MARK2: variants seen among roughly 807,000 people sequenced by gnomAD.
The protein encoded by MARK2 is microtubule affinity regulating kinase 2, also known as serine/threonine-protein kinase MARK2.
A neutral mutation model predicts 89.8 loss-of-function variants in MARK2; 16 were observed. That is an observed-to-expected ratio of 0.18 (90% CI 0.12 to 0.27). MARK2 has a LOEUF of 0.27. Ranked by LOEUF, MARK2 falls within the 10% of genes least tolerant of loss-of-function variation. The pLI, the probability that MARK2 is intolerant of heterozygous loss-of-function variation, is 1.00. For synonymous variants in MARK2, 382 were observed against 399.5 expected (o/e 0.96, Z 0.52); for missense variants, 621 against 1,049.9 (o/e 0.59, Z 5.65).
At chr11:63,871,349 G>A (rs1053584138) in intron 1 of MARK2, among the ~76,000 whole-genome samples, 7 of 151,882 alleles carry the variant, frequency 4.6e-5, no homozygotes, top group Non-Finnish European at 7.4e-5. Flanking sequence ...AGTATTCACC[G>A]TGTGCAGGTG....
chr11:63,872,629 G>A (rs1387638364), intron 1 of MARK2, among the ~76,000 whole-genome samples: 1 of 152,074 alleles, frequency 6.6e-6, no homozygotes, highest in African/African-American at 2.4e-5. Context: ...TTCTAGTTCT[G>A]ATAGGAGTAC....
In MARK2 at chr11:63,872,331, G is replaced by A. The variant is rs555460984; in HGVS notation, c.55-22828G>A. ...TGAGAGTCCCTCTTCCCTCACAAGT[G>A]CTTGGAGTGCAGACCTTAACTTACA... On this transcript the variant is annotated intron_variant, in intron 1 of 18. Transcript: ENST00000402010. Among the ~76,000 whole-genome samples the A allele has an allele frequency of 7.2e-5, 11 of 152,300 alleles. No individual in the cohort carries two copies. In the South Asian group the frequency reaches 2.1e-3, roughly 29 times the overall value.
intron 1 of MARK2, among the ~76,000 whole-genome samples, chr11:63,879,205 G>A (rs965700064): frequency 6.6e-6 from 1 of 152,096 alleles, no homozygotes; most frequent in African/African-American, 2.4e-5. Context: ...TACTCTGGAG[G>A]CTGAGGCAGG....
In MARK2 at chr11:63,905,061, G is replaced by A. The variant is rs1478964282; in HGVS notation, c.1934+18G>A. 11 of 1,609,548 alleles carry A rather than the reference G, an allele frequency of 6.8e-6. No individual in the cohort carries two copies. Among genetic ancestry groups the A allele is most frequent in the East Asian group, 6.7e-5 (3 of 44,762 alleles). On this transcript the variant is annotated intron_variant, in intron 16 of 18. Coordinates refer to ENST00000402010, the MANE Select transcript of MARK2 (RefSeq NM_001039469.3). Reference sequence around the variant, plus strand: ...GTACGCAGGTAAGCAAGGAGCTTTGGGTGGCAGAGAGGCTCAGGCCAGGCC... The same window carrying A: ...GTACGCAGGTAAGCAAGGAGCTTTGAGTGGCAGAGAGGCTCAGGCCAGGCC...
chr11:63,840,945 C>T (rs2015983397), intron 1 of MARK2, among the ~76,000 whole-genome samples: 1 of 152,140 alleles, frequency 6.6e-6, no homozygotes, highest in African/African-American at 2.4e-5. Context: ...ACTTTCCACA[C>T]CTCCCCTTTC....
intron 1 of MARK2, among the ~76,000 whole-genome samples, chr11:63,870,358 C>T (rs76450410): frequency 0.017 from 2,585 of 152,186 alleles, 41 homozygotes; most frequent in Non-Finnish European, 0.027. Context: ...CAGACATGAG[C>T]CGTGGCGCCC....
chr11:63,847,983 A>G (rs889683925), intron 1 of MARK2, among the ~76,000 whole-genome samples: 2 of 152,204 alleles, frequency 1.3e-5, no homozygotes, highest in African/African-American at 4.8e-5. Context: ...CCTGCTGGGA[A>G]AGAAAAGAGA....
At chr11:63,872,540 G>C (rs944477062) in intron 1 of MARK2, among the ~76,000 whole-genome samples, 1 of 152,052 alleles carries the variant, frequency 6.6e-6, no homozygotes, top group Non-Finnish European at 1.5e-5. Context: ...TTCCATGCTT[G>C]TCCAGTCTTT....
rs2015882074 is a variant in MARK2 at position 63,839,313 on chromosome 11, G to A, written c.-194G>A. ...GGGGGGTGCGGTCCGGAGCCGCTCGGAGCCGGCGCGGCCTAGCCCGAGCGG... is the reference window on the plus strand; with the variant it reads ...GGGGGGTGCGGTCCGGAGCCGCTCGAAGCCGGCGCGGCCTAGCCCGAGCGG... On this transcript the variant is annotated 5_prime_UTR_variant, in exon 1 of 19. Coordinates refer to ENST00000402010, the MANE Select transcript of MARK2 (RefSeq NM_001039469.3). The A allele has an allele frequency of 7.7e-6, 3 of 392,086 alleles. No homozygotes were observed. The highest frequency in any genetic ancestry group is 1.3e-5 in the Non-Finnish European group (3 of 225,020). 24.3% of individuals were successfully genotyped at this position (392,086 alleles called of 1,614,324 possible).
At chr11:63,863,226 T>C (rs1937912990) in intron 1 of MARK2, among the ~76,000 whole-genome samples, 1 of 152,176 alleles carries the variant, frequency 6.6e-6, no homozygotes, top group Non-Finnish European at 1.5e-5. Context: ...CCGGTCCCCA[T>C]AGCTGTGCAC....
At chr11:63,854,558 G>A (rs10897454) in intron 1 of MARK2, among the ~76,000 whole-genome samples, 74,059 of 151,262 alleles carry the variant, frequency 0.49, 20,423 homozygotes, top group East Asian at 0.88. Context: ...CTTTAGGCCA[G>A]GCATAGTGAC....
At chr11:63,888,063 A>AT (rs1212838276) in intron 1 of MARK2, among the ~76,000 whole-genome samples, 1 of 152,220 alleles carries the variant, frequency 6.6e-6, no homozygotes, top group African/African-American at 2.4e-5. Flanking sequence ...TCTAGAAAAC[A>AT]TACACCTCAT....
chr11:63,905,943 T>G (rs1237506967), intron 16 of MARK2, 145 bp from the exon 17 acceptor site: 12 of 530,374 alleles, frequency 2.3e-5, no homozygotes, highest in Non-Finnish European at 3.5e-5. Flanking sequence ...CCTGGGACTC[T>G]AGTCTCGCTG....
intron 3 of MARK2, 25 bp downstream of exon 3, chr11:63,895,658 CTTTTTTTTTTTTTTTTTT>C: frequency 1.7e-5 from 20 of 1,161,376 alleles, no homozygotes; most frequent in Non-Finnish European, 2.2e-5. Context: ...CCTCCTGTCC[CTTTTTTTTTTTTTTTTTT>C]TTTTTTTTTT....
chr11:63,865,983 T>C (rs953369982), intron 1 of MARK2, among the ~76,000 whole-genome samples: 8 of 152,238 alleles, frequency 5.3e-5, no homozygotes, highest in African/African-American at 1.7e-4. Context: ...TACCCTGCTC[T>C]CTGGTGCGTT....
intron 3 of MARK2, among the ~76,000 whole-genome samples, chr11:63,897,333 G>C (rs772905794): frequency 2.2e-4 from 33 of 152,264 alleles, no homozygotes; most frequent in Non-Finnish European, 4.1e-4. Flanking sequence ...CCTAATAAAG[G>C]GTAAGGTCAG....
At chr11:63,887,201 G>C (rs1669238806) in intron 1 of MARK2, among the ~76,000 whole-genome samples, 1 of 152,218 alleles carries the variant, frequency 6.6e-6, no homozygotes, top group African/African-American at 2.4e-5. Flanking sequence ...GGGGAAATGA[G>C]AGCACGATTA....
chr11:63,878,323 T>TGG (rs1345551160), intron 1 of MARK2, among the ~76,000 whole-genome samples: 1 of 150,736 alleles, frequency 6.6e-6, no homozygotes, highest in African/African-American at 2.4e-5. Flanking sequence ...AGCCTTAAGC[T>TGG]CTACCCCAAA....
rs781044204 is a variant in MARK2, at chr11:63,900,162, G to A, written c.768+52G>A. ...GCTTCTCATTTCCTCTCGGCCTCTG[G>A]TCTTAGCCCTGACCTCCTGCCTTTG... is the stretch of plus-strand genomic sequence containing the variant. On this transcript the variant is annotated intron_variant, in intron 8 of 18. Transcript: ENST00000402010. This position sits in a 1 kb window ranked among gnomAD's most constrained non-coding sequence, Gnocchi z 4.7. 11 of 1,389,322 alleles carry A rather than the reference G, an allele frequency of 7.9e-6. No individual in the cohort carries two copies. In the South Asian group the frequency reaches 8.2e-5, roughly 10 times the overall value. The allele number at this position is 1,389,322 out of a possible 1,614,324, so 86.1% of individuals were successfully genotyped here.
Sources: gnomAD v4.1 joint callset for allele counts (sites outside exome capture counted in the v4.1 genomes callset) on GRCh38, gnomAD v4.1.1 for gene constraint, Gnocchi (gnomAD v3.1) non-coding constraint, MANE v1.5 for transcripts, NCBI Gene and HGNC (gene_info 2026-07-23, HGNC 2026-07-21) for gene names.